The following PPP3CC variants were observed in gnomAD, a reference collection of about 807,000 sequenced individuals.
PPP3CC encodes protein phosphatase 3 catalytic subunit gamma.
In PPP3CC, 35 loss-of-function variants were observed where a neutral mutation model predicts 60.3. That is an observed-to-expected ratio of 0.58 (90% CI 0.44 to 0.77). PPP3CC has a LOEUF of 0.77. PPP3CC is among the 30% of genes least tolerant of loss of function. The pLI is 0.00. For missense variants in PPP3CC, 570 were observed against 628.9 expected (o/e 0.91, Z 1.00); for synonymous variants, 206 against 224.3 (o/e 0.92, Z 0.73).
In PPP3CC at chr8:22,471,276, C is replaced by T. The variant is rs573832412; in HGVS notation, c.50-3678C>T. Among the ~76,000 whole-genome samples, 4 of 147,370 alleles carry T rather than the reference C, an allele frequency of 2.7e-5. No homozygotes were observed. The East Asian group carries it at 7.9e-4, about 29-fold the overall frequency. On this transcript the variant is annotated intron_variant, in intron 1 of 13. Transcript: ENST00000240139. ...TCCAAATATTCCCTTACTCCTTGAT[C>T]ATTCTTTTTTTTTTTTTTTTTTGAG... is the stretch of plus-strand genomic sequence containing the variant.
Position 22,527,457 on chromosome 8 carries a change from T to C in PPP3CC, c.1009T>C (p.Tyr337His). ...GCAGTTTAACTGTTCTCCACACCCC[T>C]ACTGGCTTCCAAACTTTATGGATGT... The part of the protein sequence containing the change: ...IRQFNCSPHP[Y>H]WLPNFMDVFT... Residue 337 changes from tyrosine (Y) to histidine (H), a missense_variant, in exon 9 of 14, where the codon TAC becomes CAC. Coordinates refer to ENST00000240139, the MANE Select transcript of PPP3CC (RefSeq NM_005605.5). 6 of 1,613,732 alleles carry C rather than the reference T, an allele frequency of 3.7e-6. No individual in the cohort carries two copies. Among genetic ancestry groups the C allele is most frequent in the Non-Finnish European group, 3.4e-6 (4 of 1,179,608 alleles).
intron 3 of PPP3CC, among the ~76,000 whole-genome samples, chr8:22,488,566 C>A (rs534846847): frequency 6.6e-6 from 1 of 152,212 alleles, no homozygotes; most frequent in Non-Finnish European, 1.5e-5. Context: ...CTCAGATTGT[C>A]AACAGTGCCT....
At chr8:22,466,268 G>A (rs530517701) in intron 1 of PPP3CC, among the ~76,000 whole-genome samples, 183 of 152,274 alleles carry the variant, frequency 1.2e-3, no homozygotes, top group African/African-American at 4.3e-3. Context: ...CCAAGTCTTT[G>A]CTATTGTGAG....
chr8:22,500,904 A>C (rs1838742444), intron 4 of PPP3CC, among the ~76,000 whole-genome samples: 1 of 152,226 alleles, frequency 6.6e-6, no homozygotes, highest in African/African-American at 2.4e-5. Context: ...CTGTAATCCC[A>C]GTACTTTTGG....
intron 3 of PPP3CC, among the ~76,000 whole-genome samples, chr8:22,479,524 T>C (rs1424015881): frequency 6.6e-6 from 1 of 152,044 alleles, no homozygotes; most frequent in East Asian, 1.9e-4. Context: ...AATTAAAACA[T>C]TTTATCTGAG....
intron 3 of PPP3CC, among the ~76,000 whole-genome samples, chr8:22,486,009 G>C (rs1444711557): frequency 6.6e-6 from 1 of 152,116 alleles, no homozygotes; most frequent in African/African-American, 2.4e-5. Flanking sequence ...TGCTTGCAGA[G>C]AATTACATTT....
chr8:22,469,937 T>C (rs561815370), intron 1 of PPP3CC, among the ~76,000 whole-genome samples: 5 of 150,046 alleles, frequency 3.3e-5, no homozygotes, highest in African/African-American at 1.2e-4. Context: ...TAGAAACTTA[T>C]AGGGAAATAA....
intron 3 of PPP3CC, among the ~76,000 whole-genome samples, chr8:22,476,600 T>C (rs1349800732): frequency 1.3e-5 from 2 of 152,138 alleles, no homozygotes; most frequent in Non-Finnish European, 2.9e-5. Context: ...GGATTTTTAG[T>C]TTTCTGTTAG....
chr8:22,483,469 G>A (rs1379637972), intron 3 of PPP3CC, among the ~76,000 whole-genome samples: 1 of 152,096 alleles, frequency 6.6e-6, no homozygotes, highest in East Asian at 1.9e-4. Flanking sequence ...TGTATTTTTA[G>A]TAGAGACTGT....
At chr8:22,463,789 C>CT (rs903248905) in intron 1 of PPP3CC, among the ~76,000 whole-genome samples, 1,846 of 140,614 alleles carry the variant, frequency 0.013, 24 homozygotes, top group African/African-American at 0.039. Flanking sequence ...TGTATGTTTT[C>CT]TTTTTTTTTT....
chr8:22,494,804 G>A (rs1196068529), intron 3 of PPP3CC, among the ~76,000 whole-genome samples: 1 of 152,154 alleles, frequency 6.6e-6, no homozygotes, highest in Non-Finnish European at 1.5e-5. Flanking sequence ...GTGCCTGAAT[G>A]CCTGCTATAG....
Sources: gnomAD v4.1 joint callset for allele counts (sites outside exome capture counted in the v4.1 genomes callset) on GRCh38, gnomAD v4.1.1 for gene constraint, MANE v1.5 for transcripts, NCBI Gene and HGNC (gene_info 2026-07-23, HGNC 2026-07-21) for gene names.